E2F7: variants seen among roughly 807,000 people sequenced by gnomAD.
The protein encoded by E2F7 is transcription factor E2F7.
In E2F7, 35 loss-of-function variants were observed where a neutral mutation model predicts 81.1. The ratio of observed to expected loss-of-function variants is 0.43; its 90% CI spans 0.33 to 0.57. The LOEUF (loss-of-function observed/expected upper bound fraction) is 0.57. Ranked by LOEUF, E2F7 falls within the 20% of genes least tolerant of loss-of-function variation. E2F7 has a pLI of 0.04. For synonymous variants in E2F7, 416 were observed against 416.2 expected, an observed-to-expected ratio of 1.00 and a Z score of 0.01; for missense variants, 961 against 1,093.7, an observed-to-expected ratio of 0.88 and a Z score of 1.71.
intron 9 of E2F7, 52 bp from the exon 10 acceptor site, chr12:77,030,384 C>A (rs770327611): frequency 3.3e-6 from 5 of 1,507,056 alleles, no homozygotes; most frequent in Non-Finnish European, 4.4e-6. Flanking sequence ...CAACTCCTGA[C>A]CCTTTACTTT....
At chr12:77,034,067 T>C (rs780170877) in intron 7 of E2F7, 25 bp from the exon 8 acceptor site, 1 of 1,599,670 alleles carries the variant, frequency 6.3e-7, no homozygotes, top group Non-Finnish European at 8.5e-7. Context: ...GAATTGGTAG[T>C]GTTGTTATAC....
At chr12:77,028,259 C>A in intron 10 of E2F7, 121 bp from the exon 11 acceptor site, 1 of 1,274,614 alleles carries the variant, frequency 7.8e-7, no homozygotes, top group Admixed American at 2.6e-5. Context: ...GTGGCACGAT[C>A]CCAGCTCACT....
At chr12:77,027,837 G>C in intron 11 of E2F7, 46 bp downstream of exon 11, 1 of 1,594,922 alleles carries the variant, frequency 6.3e-7, no homozygotes, top group Non-Finnish European at 8.5e-7. Flanking sequence ...TCCAATTCTT[G>C]ATCTGACTGC....
chr12:77,024,042 T>G lies in E2F7; in HGVS notation c.2709A>C (p.Leu903=). ...SRNTSSAQRR[L]EIPSGGAD Reference sequence around the variant, plus strand: ...AGTCAGCGCCGCCGCTGGGGATTTCTAGTCTCCTCTGGGCCGAGCTGGTGT... The same window carrying G: ...AGTCAGCGCCGCCGCTGGGGATTTCGAGTCTCCTCTGGGCCGAGCTGGTGT... Residue 903 remains leucine, a synonymous_variant, in exon 13 of 13, where the codon CTA becomes CTC. Transcript: ENST00000322886. 6.2e-7 allele frequency: 1 copy of G among 1,613,992 alleles called. No homozygotes were observed. Among genetic ancestry groups the G allele is most frequent in the Non-Finnish European group, 8.5e-7 (1 of 1,180,008 alleles).
intron 6 of E2F7, among the ~76,000 whole-genome samples, chr12:77,043,859 G>C (rs543859047): frequency 1.3e-5 from 2 of 152,166 alleles, no homozygotes; most frequent in Non-Finnish European, 2.9e-5. Context: ...AGACAGGCAC[G>C]ATAATGACCA....
At chr12:77,032,917 G>A (rs1344094888) in intron 9 of E2F7, 133 bp downstream of exon 9, 2 of 726,592 alleles carry the variant, frequency 2.8e-6, no homozygotes, top group Admixed American at 5.6e-5. Context: ...GGCACAAAGA[G>A]AAAACTTACC....
intron 9 of E2F7, among the ~76,000 whole-genome samples, chr12:77,030,562 A>C (rs1311597106): frequency 6.6e-6 from 1 of 152,196 alleles, no homozygotes; most frequent in African/African-American, 2.4e-5. Context: ...AGCCATTGGA[A>C]TCTCAGGTGA....
chr12:77,021,889 T>TG lies in E2F7; in HGVS notation c.*2125dup, dbSNP rs1025206339. Reference sequence around the variant, plus strand: ...TTACATATAAAGCCACATTAAGAAGTGGATACTGAATACAGAAGCAATTGT... The same window carrying TG: ...TTACATATAAAGCCACATTAAGAAGTGGGATACTGAATACAGAAGCAATTGT... On this transcript the variant is annotated 3_prime_UTR_variant, in exon 13 of 13. Coordinates refer to ENST00000322886, the MANE Select transcript of E2F7 (RefSeq NM_203394.3). The TG allele has an allele frequency of 2.6e-5, 4 of 152,200 alleles. No homozygotes were observed. The highest frequency in any genetic ancestry group is 9.6e-5 in the African/African-American group (4 of 41,454). The allele number at this position is 152,200 out of a possible 1,614,324, so 9.4% of individuals were successfully genotyped here.
At chr12:77,056,681 C>T (rs192533982) in intron 2 of E2F7, among the ~76,000 whole-genome samples, 4 of 152,174 alleles carry the variant, frequency 2.6e-5, no homozygotes, top group Admixed American at 6.5e-5. Flanking sequence ...GTAAAGGACT[C>T]GTTTTTTTAG....
Position 77,027,900 on chromosome 12 carries a change from C to T in E2F7, c.2123G>A (p.Cys708Tyr), listed in dbSNP as rs1954772239. The stretch of plus-strand genomic sequence containing the variant: ...TCCCTTACCTGCAGGAGACTGCACA[C>T]AAAGATATTGTAGCAAAGAAGGCTC... ...TKEPSLLQYL[C>Y]VQSPAGLNGF... is the part of the protein sequence containing the mutation. The change falls in exon 11 of 13, where the codon TGT becomes TAT. Residue 708 changes from cysteine (C) to tyrosine (Y), a missense_variant. This residue lies in a region of E2F7 where 587 missense variants were observed against 620.3 expected (regional missense o/e 0.95). Transcript: ENST00000322886. The T allele has an allele frequency of 6.2e-7, 1 of 1,614,012 alleles. No individual in the cohort carries two copies. Among genetic ancestry groups the T allele is most frequent in the East Asian group, 2.2e-5 (1 of 44,886 alleles).
In E2F7 at chr12:77,030,151, C is replaced by T. The variant is rs114349810; in HGVS notation, c.1564G>A (p.Val522Met). The change falls in exon 10 of 13, where the codon GTG becomes ATG. Residue 522 changes from valine (V) to methionine (M), a missense_variant. Physicochemically the swap from Val to Met is conservative, Grantham distance 21 (BLOSUM62 1). Transcript: ENST00000322886. ...GCTGCAGAAGCAAGTGAGACATCCA[C>T]TTGTCCATTCAGACCGTTCTGCATG... is the stretch of plus-strand genomic sequence containing the variant. ...FSMQNGLNGQ[V>M]DVSLASAASA... The T allele has an allele frequency of 4.5e-4, 726 of 1,614,224 alleles. 4 individuals are homozygous for T. In the African/African-American group the frequency reaches 8.7e-3, roughly 19 times the overall value.
chr12:77,055,510 A>T (rs901044966), intron 3 of E2F7, among the ~76,000 whole-genome samples: 1 of 152,198 alleles, frequency 6.6e-6, no homozygotes, highest in South Asian at 2.1e-4. Context: ...TAAATCAAAA[A>T]TATTTACATT....
At chr12:77,031,075 A>G (rs1024654413) in intron 9 of E2F7, among the ~76,000 whole-genome samples, 1 of 152,274 alleles carries the variant, frequency 6.6e-6, no homozygotes, top group African/African-American at 2.4e-5. Context: ...TAAGTCCCAT[A>G]AATGTACAAG....
chr12:77,024,490 C>T (rs1340530736), intron 12 of E2F7, among the ~76,000 whole-genome samples: 1 of 152,168 alleles, frequency 6.6e-6, no homozygotes, highest in East Asian at 1.9e-4. Context: ...CAGTTTCTTC[C>T]TCCATCCAAC....
intron 7 of E2F7, 87 bp from the exon 8 acceptor site, chr12:77,034,129 T>C: frequency 8.7e-7 from 1 of 1,152,796 alleles, no homozygotes; most frequent in Non-Finnish European, 1.2e-6. Context: ...TTTGAACCTA[T>C]AATTGTAATG....
At chr12:77,029,743 A>C in intron 10 of E2F7, 88 bp downstream of exon 10, 2 of 1,548,874 alleles carry the variant, frequency 1.3e-6, no homozygotes, top group South Asian at 2.5e-5. Flanking sequence ...TCCAGACTCC[A>C]TTGCTTATTA....
At chr12:77,046,401 G>T in intron 4 of E2F7, 73 bp from the exon 5 acceptor site, 1 of 1,492,136 alleles carries the variant, frequency 6.7e-7, no homozygotes, top group Non-Finnish European at 9.0e-7. Flanking sequence ...TGAGGGCCTG[G>T]ACTATATCTG....
chr12:77,058,971 A>G (rs1955056790), intron 2 of E2F7, among the ~76,000 whole-genome samples: 1 of 152,208 alleles, frequency 6.6e-6, no homozygotes, highest in South Asian at 2.1e-4. Context: ...AGATACTCAA[A>G]GAACACTGTG....
intron 12 of E2F7, among the ~76,000 whole-genome samples, chr12:77,025,116 TAAG>T (rs886457058): frequency 3.4e-4 from 51 of 151,604 alleles, no homozygotes; most frequent in African/African-American, 1.2e-3. Flanking sequence ...CATCACATCT[TAAG>T]AAATGACTGA....
Sources: allele counts gnomAD v4.1 joint callset (sites outside exome capture counted in the v4.1 genomes callset), GRCh38; gene constraint gnomAD v4.1.1; regional missense constraint gnomAD v4.1.1; transcripts MANE v1.5; gene names NCBI Gene and HGNC (gene_info 2026-07-23, HGNC 2026-07-21).